PAK3: variants seen among roughly 807,000 people sequenced by gnomAD.
PAK3 encodes the protein p21 (RAC1) activated kinase 3, also known as serine/threonine-protein kinase PAK 3.
PAK3 carries 4 observed loss-of-function variants against 41.0 expected under a neutral mutation model. The ratio of observed to expected loss-of-function variants is 0.10; its 90% CI spans 0.05 to 0.22. The LOEUF (loss-of-function observed/expected upper bound fraction) is 0.22, where lower values mean the gene tolerates loss of function less well. Ranked by LOEUF, PAK3 falls within the 10% of genes least tolerant of loss-of-function variation. The pLI is 1.00. For missense variants in PAK3, 205 were observed against 409.9 expected, an observed-to-expected ratio of 0.50 and a Z score of 4.32; for synonymous variants, 146 against 139.6, an observed-to-expected ratio of 1.05 and a Z score of -0.32.
At chrX:111,081,171 C>T (rs2092831840) in intron 1 of PAK3, among the ~76,000 whole-genome samples, 1 of 111,506 alleles carries the variant, frequency 9.0e-6, no homozygotes. Context: ...AACATGGTGA[C>T]TGTAGTTAAT....
chrX:111,115,090 C>T (rs1250800612), intron 4 of PAK3, among the ~76,000 whole-genome samples: 1 of 112,183 alleles, frequency 8.9e-6, no homozygotes, highest in Non-Finnish European at 1.9e-5. Context: ...TGTATATGAG[C>T]ACTAGGGAAG....
At chrX:110,945,068 G>C (rs776743106) in intron 1 of PAK3, among the ~76,000 whole-genome samples, 3 of 112,354 alleles carry the variant, frequency 2.7e-5, no homozygotes, top group Admixed American at 1.9e-4. Flanking sequence ...GCTGCGGTCC[G>C]CCGGCAATGT....
intron 5 of PAK3, among the ~76,000 whole-genome samples, chrX:111,133,203 C>T (rs183138844): frequency 1.2e-3 from 133 of 111,820 alleles, no homozygotes; most frequent in Middle Eastern, 4.7e-3. Flanking sequence ...CAAGGCTACA[C>T]CCTACTTATT....
chrX:111,000,345 C>T, intron 1 of PAK3, among the ~76,000 whole-genome samples: 1 of 112,192 alleles, frequency 8.9e-6, no homozygotes, highest in African/African-American at 3.2e-5. Flanking sequence ...AACATCACTT[C>T]CATAGCATTC....
At chrX:111,053,484 G>A (rs1010762281) in intron 1 of PAK3, among the ~76,000 whole-genome samples, 4 of 111,685 alleles carry the variant, frequency 3.6e-5, no homozygotes, top group Non-Finnish European at 5.6e-5. Context: ...AATAGGCAAC[G>A]ATTCTAGAGT....
rs1469917784 is a variant in PAK3 at position 111,225,562 on chromosome X, G to A, written c.*5115G>A. 1 of 111,913 alleles carries A rather than the reference G, an allele frequency of 8.9e-6. No homozygotes were observed. Among genetic ancestry groups the A allele is most frequent in the Non-Finnish European group, 1.9e-5 (1 of 53,240 alleles). 9.2% of individuals were successfully genotyped at this position (111,913 alleles called of 1,213,427 possible). The stretch of plus-strand genomic sequence containing the variant: ...TAGTACCCAAGAGGAAATCAACAGC[G>A]ATAGTAGAGAATGAGTCAGATGTAG... On this transcript the variant is annotated 3_prime_UTR_variant, in exon 18 of 18. Transcript: ENST00000372007.
intron 1 of PAK3, among the ~76,000 whole-genome samples, chrX:111,064,277 T>A (rs929894990): frequency 1.8e-5 from 2 of 111,925 alleles, no homozygotes; most frequent in Non-Finnish European, 3.8e-5. Flanking sequence ...TATTTACTTA[T>A]TTTTTATTAT....
chrX:111,161,069 T>A (rs957045524), intron 8 of PAK3, among the ~76,000 whole-genome samples: 1 of 111,690 alleles, frequency 9.0e-6, no homozygotes, highest in Non-Finnish European at 1.9e-5. Context: ...TGAACTAGTT[T>A]ACAATCCCCC....
intron 16 of PAK3, among the ~76,000 whole-genome samples, chrX:111,198,103 T>G (rs1056135091): frequency 8.9e-6 from 1 of 112,624 alleles, no homozygotes; most frequent in East Asian, 2.8e-4. Context: ...TTTTTTCATA[T>G]GCTTCTTGGG....
intron 1 of PAK3, among the ~76,000 whole-genome samples, chrX:110,992,670 C>T (rs1010951522): frequency 2.7e-5 from 3 of 110,777 alleles, no homozygotes; most frequent in South Asian, 7.9e-4. Context: ...ATTCTGCCAC[C>T]GGGCATCTGT....
chrX:111,161,036 A>C (rs1470988892), intron 8 of PAK3, among the ~76,000 whole-genome samples: 2 of 110,529 alleles, frequency 1.8e-5, no homozygotes, highest in East Asian at 2.9e-4. Context: ...CTGAGGAATC[A>C]CCACACTGAC....
chrX:110,993,772 A>G (rs1389376710), intron 1 of PAK3, among the ~76,000 whole-genome samples: 1 of 111,787 alleles, frequency 8.9e-6, no homozygotes, highest in Non-Finnish European at 1.9e-5. Flanking sequence ...TTTTCCAATT[A>G]TAAGGTGATA....
At chrX:110,964,112 A>G (rs977986888) in intron 1 of PAK3, among the ~76,000 whole-genome samples, 1 of 112,004 alleles carries the variant, frequency 8.9e-6, no homozygotes, top group Non-Finnish European at 1.9e-5. Context: ...ATTCATCCCC[A>G]CAATGAATCC....
intron 17 of PAK3, 134 bp downstream of exon 17, chrX:111,216,692 A>G (rs1291816312): frequency 3.5e-6 from 2 of 574,517 alleles, no homozygotes; most frequent in Non-Finnish European, 2.9e-6. Flanking sequence ...ACAGGCACAT[A>G]ACTATAGGCA....
chrX:111,083,499 A>C (rs762331975), intron 1 of PAK3, among the ~76,000 whole-genome samples: 1 of 112,288 alleles, frequency 8.9e-6, no homozygotes, highest in South Asian at 3.7e-4. Context: ...ACAAGGCTAG[A>C]TTTTGTTCCC....
intron 1 of PAK3, among the ~76,000 whole-genome samples, chrX:110,960,839 G>A (rs1476257655): frequency 9.0e-6 from 1 of 110,692 alleles, no homozygotes; most frequent in African/African-American, 3.3e-5. Context: ...TATATATCCA[G>A]CTCCCTCATG....
chrX:111,220,209 G>A (rs1488920414), intron 17 of PAK3, 149 bp from the exon 18 acceptor site: 4 of 491,274 alleles, frequency 8.1e-6, no homozygotes, highest in Non-Finnish European at 1.5e-5. Context: ...ACATCTGAAG[G>A]ACAAAAGCTG....
chrX:111,208,955 G>C (rs1189492385), intron 16 of PAK3, among the ~76,000 whole-genome samples: 1 of 110,567 alleles, frequency 9.0e-6, no homozygotes, highest in African/African-American at 3.3e-5. Flanking sequence ...GTGTGTGTGT[G>C]TGTACTAGAC....
chrX:111,162,951 C>G lies in PAK3; in HGVS notation c.505C>G (p.Pro169Ala). The change falls in exon 9 of 18, where the codon CCT (proline) becomes GCT (alanine). Residue 169 changes from proline to alanine, a missense_variant. Transcript: ENST00000372007. ...AGCATCTGAGCCTCCATTGGCCCCT[C>G]CTGTGTCTGAAGAAGAAGATGAAGA... ...KTASEPPLAP[P>A]VSEEEDEEEE... 8.3e-7 allele frequency: 1 copy of G among 1,206,510 alleles called. No homozygotes were observed. Among genetic ancestry groups the G allele is most frequent in the Non-Finnish European group, 1.1e-6 (1 of 891,019 alleles).
Sources: allele counts gnomAD v4.1 joint callset (sites outside exome capture counted in the v4.1 genomes callset), GRCh38; gene constraint gnomAD v4.1.1; transcripts MANE v1.5; gene names NCBI Gene and HGNC (gene_info 2026-07-23, HGNC 2026-07-21).